Variants in ADCY2 observed in about 807,000 individuals in gnomAD.
The protein encoded by ADCY2 is adenylate cyclase 2.
ADCY2 carries 31 observed loss-of-function variants against 125.2 expected under a neutral mutation model. That is an observed-to-expected ratio of 0.25 (90% confidence interval 0.19 to 0.33). The LOEUF (loss-of-function observed/expected upper bound fraction) is 0.33, where lower values mean the gene tolerates loss of function less well. ADCY2 is among the 10% of genes least tolerant of loss of function. ADCY2 has a pLI of 1.00. For synonymous variants in ADCY2, 512 were observed against 548.4 expected, an observed-to-expected ratio of 0.93 and a Z score of 0.93; for missense variants, 904 against 1,418.2, an observed-to-expected ratio of 0.64 and a Z score of 5.82.
chr5:7,775,862 A>G (rs1743706361), intron 18 of ADCY2, among the ~76,000 whole-genome samples: 1 of 152,208 alleles, frequency 6.6e-6, no homozygotes. Flanking sequence ...AAGCATCTTC[A>G]ATGGAAAGAT....
chr5:7,639,300 T>TGCTCTCTC (rs1738614680), intron 4 of ADCY2, among the ~76,000 whole-genome samples: 2 of 152,206 alleles, frequency 1.3e-5, no homozygotes, highest in Admixed American at 1.3e-4. Context: ...CTTTCTCTCT[T>TGCTCTCTC]GCTCTCTCGC....
At chr5:7,556,426 A>G (rs1371424003) in intron 3 of ADCY2, among the ~76,000 whole-genome samples, 1 of 152,232 alleles carries the variant, frequency 6.6e-6, no homozygotes, top group African/African-American at 2.4e-5. Context: ...TTTGCATCAC[A>G]AGAGTTCTTA....
intron 1 of ADCY2, among the ~76,000 whole-genome samples, chr5:7,408,722 A>G (rs953161558): frequency 6.6e-6 from 1 of 152,116 alleles, no homozygotes; most frequent in Non-Finnish European, 1.5e-5. Flanking sequence ...CAAAAACAAA[A>G]ACAAAAAACA....
At chr5:7,634,396 G>A (rs921128320) in intron 4 of ADCY2, among the ~76,000 whole-genome samples, 1 of 152,156 alleles carries the variant, frequency 6.6e-6, no homozygotes, top group African/African-American at 2.4e-5. Context: ...TCTGAGTGCT[G>A]TCAAGATTTT....
At chr5:7,598,550 C>A (rs1459970545) in intron 3 of ADCY2, among the ~76,000 whole-genome samples, 1 of 152,150 alleles carries the variant, frequency 6.6e-6, no homozygotes, top group East Asian at 1.9e-4. Flanking sequence ...ATTCTAAACA[C>A]ACATCCTTGG....
chr5:7,737,390 C>A (rs938288365), intron 14 of ADCY2, among the ~76,000 whole-genome samples: 1 of 152,034 alleles, frequency 6.6e-6, no homozygotes, highest in African/African-American at 2.4e-5. Context: ...TAGAGCTAGA[C>A]GAAGGTAAGG....
At chr5:7,580,325 GT>G (rs1291118676) in intron 3 of ADCY2, among the ~76,000 whole-genome samples, 1 of 152,118 alleles carries the variant, frequency 6.6e-6, no homozygotes, top group Non-Finnish European at 1.5e-5. Flanking sequence ...TTATAATTAA[GT>G]TTTTAAAAAG....
chr5:7,693,404 C>CTTTTTTTTTTTTTTTTTTTTTTTTTTTTT (rs1561170612), intron 5 of ADCY2, among the ~76,000 whole-genome samples: 1 of 75,744 alleles, frequency 1.3e-5, no homozygotes. Flanking sequence ...CAATTGCCTG[C>CTTTTTTTTTTTTTTTTTTTTTTTTTTTTT]TGTTTTTTGT....
intron 15 of ADCY2, among the ~76,000 whole-genome samples, chr5:7,756,993 G>A (rs1743012925): frequency 6.6e-6 from 1 of 152,186 alleles, no homozygotes; most frequent in Admixed American, 6.5e-5. Flanking sequence ...TAAGTCTGTG[G>A]CCTGGGCTGT....
intron 18 of ADCY2, among the ~76,000 whole-genome samples, chr5:7,775,931 A>G (rs1446316734): frequency 2.0e-5 from 3 of 152,176 alleles, no homozygotes; most frequent in Non-Finnish European, 2.9e-5. Flanking sequence ...TGAATATTCT[A>G]TGATGTCCAC....
At chr5:7,421,889 G>A (rs529819941) in intron 2 of ADCY2, among the ~76,000 whole-genome samples, 28 of 152,304 alleles carry the variant, frequency 1.8e-4, no homozygotes, top group African/African-American at 5.3e-4. Flanking sequence ...AATTAGAGAC[G>A]TTCTTGTGTG....
chr5:7,629,525 GT>G (rs1301069063), intron 4 of ADCY2, among the ~76,000 whole-genome samples: 2 of 152,184 alleles, frequency 1.3e-5, no homozygotes, highest in African/African-American at 4.8e-5. Flanking sequence ...AATGAAAAAT[GT>G]TGCTAGAGAT....
chr5:7,727,166 C>T lies in ADCY2; in HGVS notation c.1776C>T (p.Tyr592=). 4 of 1,613,348 alleles carry T rather than the reference C, an allele frequency of 2.5e-6. No homozygotes were observed. Among genetic ancestry groups the T allele is most frequent in the Non-Finnish European group, 3.4e-6 (4 of 1,179,528 alleles). Residue 592 remains tyrosine, a splice_region_variant and synonymous_variant, in exon 14 of 25, where the codon TAC becomes TAT. Transcript: ENST00000338316. ...ACAGGTTCCTTTCTCCCCCTCAGTA[C>T]CGGGCCACGGCACTGCCAGCGTTCA... ...LFYNKVLEKE[Y]RATALPAFKY... is the part of the protein sequence containing the mutation.
At chr5:7,435,022 GA>G (rs1168031575) in intron 2 of ADCY2, among the ~76,000 whole-genome samples, 1 of 152,186 alleles carries the variant, frequency 6.6e-6, no homozygotes, top group Non-Finnish European at 1.5e-5. Flanking sequence ...GGTTACCTGG[GA>G]AACCCATTCA....
intron 4 of ADCY2, among the ~76,000 whole-genome samples, chr5:7,650,206 G>A (rs941219975): frequency 8.1e-6 from 1 of 124,080 alleles, no homozygotes; most frequent in Non-Finnish European, 1.7e-5. Context: ...ACAAGTCCAC[G>A]TGCAGGCACA....
intron 13 of ADCY2, among the ~76,000 whole-genome samples, chr5:7,725,023 T>C (rs1450144559): frequency 6.6e-6 from 1 of 152,224 alleles, no homozygotes; most frequent in East Asian, 1.9e-4. Context: ...AGTTTTACAT[T>C]CAATGCTTTT....
chr5:7,467,450 C>T (rs1360447400), intron 2 of ADCY2, among the ~76,000 whole-genome samples: 2 of 152,144 alleles, frequency 1.3e-5, no homozygotes, highest in Non-Finnish European at 2.9e-5. Flanking sequence ...GAAGGGTCCC[C>T]ACGTGACCAT....
intron 16 of ADCY2, 27 bp downstream of exon 16, chr5:7,757,613 A>T: frequency 6.2e-7 from 1 of 1,605,854 alleles, no homozygotes; most frequent in Non-Finnish European, 8.5e-7. Flanking sequence ...GGCCGTGTTC[A>T]ACATGGTAAG....
At chr5:7,783,019 A>G (rs1579430363) in intron 18 of ADCY2, among the ~76,000 whole-genome samples, 1 of 152,096 alleles carries the variant, frequency 6.6e-6, no homozygotes, top group African/African-American at 2.4e-5. Context: ...TTTGGTGGGG[A>G]GGAAAGAACT....
Sources: gnomAD v4.1 joint callset for allele counts (sites outside exome capture counted in the v4.1 genomes callset) on GRCh38, gnomAD v4.1.1 for gene constraint, MANE v1.5 for transcripts, NCBI Gene and HGNC (gene_info 2026-07-23, HGNC 2026-07-21) for gene names.